The following MAML3 variants were observed in gnomAD, a reference collection of about 807,000 sequenced individuals.
The protein encoded by MAML3 is mastermind-like protein 3.
In MAML3, 27 loss-of-function variants were observed where a neutral mutation model predicts 101.9. The ratio of observed to expected loss-of-function variants is 0.27; its 90% CI spans 0.20 to 0.37. The LOEUF (loss-of-function observed/expected upper bound fraction) is 0.37, where lower values mean the gene tolerates loss of function less well. MAML3 is among the 10% of genes least tolerant of loss of function. The pLI, the probability that MAML3 is intolerant of heterozygous loss-of-function variation, is 1.00. For missense variants in MAML3, 1,316 were observed against 1,444.9 expected (o/e 0.91, Z 1.45); for synonymous variants, 501 against 555.9 (o/e 0.90, Z 1.39).
intron 2 of MAML3, among the ~76,000 whole-genome samples, chr4:139,874,311 T>C (rs1453144699): frequency 6.6e-6 from 1 of 152,172 alleles, no homozygotes; most frequent in Non-Finnish European, 1.5e-5. Flanking sequence ...TATTGTACTT[T>C]AAAATATGAA....
chr4:139,882,190 T>G (rs756460080), intron 2 of MAML3, among the ~76,000 whole-genome samples: 2 of 151,454 alleles, frequency 1.3e-5, no homozygotes, highest in Non-Finnish European at 2.9e-5. Flanking sequence ...AAAATCAGAG[T>G]ACAATCCAGA....
chr4:139,873,119 G>A (rs76014052), intron 2 of MAML3, among the ~76,000 whole-genome samples: 6,198 of 151,994 alleles, frequency 0.041, 193 homozygotes, highest in African/African-American at 0.089. Context: ...AAATAATCAC[G>A]CAGATATTTT....
At chr4:140,065,459 A>C (rs1438365484) in intron 1 of MAML3, among the ~76,000 whole-genome samples, 1 of 152,188 alleles carries the variant, frequency 6.6e-6, no homozygotes, top group Non-Finnish European at 1.5e-5. Context: ...GGAAACCAGG[A>C]GCAGCCTTTC....
At chr4:140,150,015 CA>C (rs1729131801) in intron 1 of MAML3, among the ~76,000 whole-genome samples, 1 of 142,942 alleles carries the variant, frequency 7.0e-6, no homozygotes, top group African/African-American at 2.6e-5. Flanking sequence ...TTACATTCAT[CA>C]CACTCATCAC....
chr4:140,088,999 A>G (rs1446253399), intron 1 of MAML3, among the ~76,000 whole-genome samples: 1 of 152,218 alleles, frequency 6.6e-6, no homozygotes, highest in Non-Finnish European at 1.5e-5. Context: ...CCACCTAGAA[A>G]CATATTGGTA....
chr4:139,826,872 A>G (rs538868829), intron 2 of MAML3, among the ~76,000 whole-genome samples: 5 of 152,332 alleles, frequency 3.3e-5, no homozygotes, highest in Admixed American at 2.6e-4. Flanking sequence ...ATGGAAAATA[A>G]TCAAAAGAAC....
intron 1 of MAML3, among the ~76,000 whole-genome samples, chr4:140,054,220 A>T (rs1727314672): frequency 6.6e-6 from 1 of 151,826 alleles, no homozygotes. Flanking sequence ...AAATACAAAA[A>T]CTAGCCGGGC....
chr4:139,979,775 T>C (rs543294018), intron 1 of MAML3, among the ~76,000 whole-genome samples: 1 of 152,254 alleles, frequency 6.6e-6, no homozygotes, highest in African/African-American at 2.4e-5. Flanking sequence ...TCCCCAGACA[T>C]CTGAACCTGC....
intron 1 of MAML3, among the ~76,000 whole-genome samples, chr4:139,999,963 C>G (rs766175627): frequency 3.3e-5 from 5 of 152,278 alleles, no homozygotes; most frequent in Non-Finnish European, 5.9e-5. Flanking sequence ...TATTTCTGCC[C>G]ACTATGTTTC....
intron 1 of MAML3, among the ~76,000 whole-genome samples, chr4:140,103,037 T>C (rs1222305322): frequency 6.6e-6 from 1 of 152,188 alleles, no homozygotes; most frequent in Non-Finnish European, 1.5e-5. Flanking sequence ...TAATTTGGGC[T>C]TTGTTGTAAC....
intron 2 of MAML3, among the ~76,000 whole-genome samples, chr4:139,742,627 G>A (rs1729206258): frequency 6.6e-6 from 1 of 152,132 alleles, no homozygotes; most frequent in Non-Finnish European, 1.5e-5. Flanking sequence ...GGTTCTTAAC[G>A]GTCACATCAG....
Position 139,719,255 on chromosome 4 carries a change from A to C in MAML3, c.*68T>G. The C allele has an allele frequency of 6.7e-7, 1 of 1,495,554 alleles. No individual in the cohort carries two copies. 92.6% of individuals were successfully genotyped at this position (1,495,554 alleles called of 1,614,324 possible). ...AAAAACAAAAAACAAGGATGGGTCA[A>C]CATCCTGTTTCTTTTTCACTTTTTA... On this transcript the variant is annotated 3_prime_UTR_variant, in exon 5 of 5. Coordinates refer to ENST00000509479, the MANE Select transcript of MAML3 (RefSeq NM_018717.5).
chr4:139,990,849 G>A (rs927984570), intron 1 of MAML3, among the ~76,000 whole-genome samples: 5 of 152,184 alleles, frequency 3.3e-5, no homozygotes, highest in Admixed American at 1.3e-4. Flanking sequence ...TACAAGGGAC[G>A]TGAAGGACCT....
intron 1 of MAML3, among the ~76,000 whole-genome samples, chr4:140,148,492 T>C (rs6536733): frequency 0.13 from 19,618 of 152,202 alleles, 1,624 homozygotes; most frequent in East Asian, 0.25. Context: ...ACTTAAGGCA[T>C]GCTGTGTTGG....
chr4:140,080,141 C>T (rs1727839786), intron 1 of MAML3, among the ~76,000 whole-genome samples: 1 of 152,130 alleles, frequency 6.6e-6, no homozygotes, highest in Non-Finnish European at 1.5e-5. Flanking sequence ...GGTTAATCTG[C>T]AGGAAACGGG....
chr4:140,133,375 A>C (rs1728828221), intron 1 of MAML3, among the ~76,000 whole-genome samples: 1 of 152,186 alleles, frequency 6.6e-6, no homozygotes, highest in Admixed American at 6.5e-5. Context: ...GTGCTTTATA[A>C]TGATAACTAC....
chr4:140,111,103 A>G (rs1036662509), intron 1 of MAML3, among the ~76,000 whole-genome samples: 2 of 152,252 alleles, frequency 1.3e-5, no homozygotes, highest in African/African-American at 4.8e-5. Flanking sequence ...ATGAACTGAC[A>G]CTACCTATGC....
At chr4:139,762,815 T>C (rs1729782990) in intron 2 of MAML3, among the ~76,000 whole-genome samples, 1 of 152,204 alleles carries the variant, frequency 6.6e-6, no homozygotes, top group Non-Finnish European at 1.5e-5. Context: ...AACAACCATC[T>C]GACGGGGCTT....
At chr4:139,777,586 G>T (rs1432488604) in intron 2 of MAML3, among the ~76,000 whole-genome samples, 1 of 152,170 alleles carries the variant, frequency 6.6e-6, no homozygotes, top group Non-Finnish European at 1.5e-5. Flanking sequence ...GAGTGCAGCA[G>T]CATCATCATG....
Sources: gnomAD v4.1 joint callset for allele counts (sites outside exome capture counted in the v4.1 genomes callset) on GRCh38, gnomAD v4.1.1 for gene constraint, MANE v1.5 for transcripts, NCBI Gene and HGNC (gene_info 2026-07-23, HGNC 2026-07-21) for gene names.